Variants in DRC11 observed in about 807,000 individuals in gnomAD.
The protein encoded by DRC11 is dynein regulatory complex subunit 11.
At chr2:236,386,410 A>G in the DRC11 span, among the ~76,000 whole-genome samples, 1 of 152,078 alleles carries the variant, frequency 6.6e-6, no homozygotes, top group African/African-American at 2.4e-5. Flanking sequence ...TGTGTCCAGG[A>G]ATTTATCCAT....
At chr2:236,459,632 T>TATACGTATATACGTATATAAGTATATAC in the DRC11 span, among the ~76,000 whole-genome samples, 1 of 139,590 alleles carries the variant, frequency 7.2e-6, no homozygotes, top group African/African-American at 2.8e-5. Context: ...TACATACGTA[T>TATACGTATATACGTATATAAGTATATAC]ATACGTATAT....
the DRC11 span, among the ~76,000 whole-genome samples, chr2:236,424,325 T>C: frequency 1.3e-5 from 2 of 152,240 alleles, no homozygotes; most frequent in African/African-American, 4.8e-5. Context: ...AGTTAAGCCT[T>C]TTAAAGTCTT....
the DRC11 span, among the ~76,000 whole-genome samples, chr2:236,478,680 G>C: frequency 6.6e-6 from 1 of 151,888 alleles, no homozygotes; most frequent in Non-Finnish European, 1.5e-5. The surrounding 1 kb of genome is among the most constrained non-coding windows in gnomAD (Gnocchi z 5.9). Flanking sequence ...CTCCCTTTAG[G>C]TTGATTTAAT....
the DRC11 span, among the ~76,000 whole-genome samples, chr2:236,415,102 C>G: frequency 1.3e-5 from 2 of 152,026 alleles, no homozygotes. This position sits in a 1 kb window ranked among gnomAD's most constrained non-coding sequence, Gnocchi z 5.7. Context: ...CAGAAAATAA[C>G]CTATTTTCCA....
the DRC11 span, among the ~76,000 whole-genome samples, chr2:236,360,274 G>A: frequency 6.6e-6 from 1 of 152,128 alleles, no homozygotes; most frequent in Non-Finnish European, 1.5e-5. This position sits in a 1 kb window ranked among gnomAD's most constrained non-coding sequence, Gnocchi z 5.8. Context: ...ACTGCAACCA[G>A]GAAAATTACT....
At chr2:236,458,000 T>C in the DRC11 span, among the ~76,000 whole-genome samples, 1 of 152,258 alleles carries the variant, frequency 6.6e-6, no homozygotes, top group Non-Finnish European at 1.5e-5. The surrounding 1 kb of genome is among the most constrained non-coding windows in gnomAD (Gnocchi z 4.7). Context: ...TATAGAATTA[T>C]AGAATGAGTG....
chr2:236,445,309 T>C, the DRC11 span, among the ~76,000 whole-genome samples: 1 of 152,092 alleles, frequency 6.6e-6, no homozygotes, highest in Admixed American at 6.6e-5. The surrounding 1 kb of genome is among the most constrained non-coding windows in gnomAD (Gnocchi z 4.8). Context: ...ATGGTGCTTT[T>C]GGCAAAGATA....
At chr2:236,400,032 A>C in the DRC11 span, among the ~76,000 whole-genome samples, 3 of 152,012 alleles carry the variant, frequency 2.0e-5, no homozygotes, top group Admixed American at 2.0e-4. This position sits in a 1 kb window ranked among gnomAD's most constrained non-coding sequence, Gnocchi z 7.9. Context: ...CTGTCTTCTC[A>C]TGCTCTCACT....
At chr2:236,333,727 C>T in the DRC11 span, among the ~76,000 whole-genome samples, 1 of 152,190 alleles carries the variant, frequency 6.6e-6, no homozygotes, top group African/African-American at 2.4e-5. The surrounding 1 kb of genome is among the most constrained non-coding windows in gnomAD (Gnocchi z 6.0). Flanking sequence ...CTCTGTGAAG[C>T]CACAACAGTC....
At chr2:236,482,057 A>ATATGTATAATTCTACATATTC in the DRC11 span, among the ~76,000 whole-genome samples, 1 of 144,300 alleles carries the variant, frequency 6.9e-6, no homozygotes, top group Admixed American at 6.8e-5. This position sits in a 1 kb window ranked among gnomAD's most constrained non-coding sequence, Gnocchi z 4.5. Flanking sequence ...TCTACATATT[A>ATATGTATAATTCTACATATTC]TATGTATAAT....
the DRC11 span, among the ~76,000 whole-genome samples, chr2:236,485,069 A>T: frequency 0.25 from 38,573 of 152,054 alleles, 5,159 homozygotes; most frequent in African/African-American, 0.31. Flanking sequence ...TTGTTTTATT[A>T]AGGTTTCTTC....
chr2:236,358,010 A>AAT, the DRC11 span, among the ~76,000 whole-genome samples: 6 of 110,680 alleles, frequency 5.4e-5, no homozygotes, highest in African/African-American at 2.2e-4. Context: ...ATATATTTAT[A>AAT]ATATATAGAT....
At chr2:236,475,561 C>T in the DRC11 span, among the ~76,000 whole-genome samples, 1 of 152,180 alleles carries the variant, frequency 6.6e-6, no homozygotes, top group Non-Finnish European at 1.5e-5. The surrounding 1 kb of genome is among the most constrained non-coding windows in gnomAD (Gnocchi z 4.8). Context: ...TTTGCCATTA[C>T]TGTTAATGGT....
At chr2:236,419,219 T>C in the DRC11 span, 2 of 1,546,234 alleles carry the variant, frequency 1.3e-6, no homozygotes, top group East Asian at 4.9e-5. The surrounding 1 kb of genome is among the most constrained non-coding windows in gnomAD (Gnocchi z 4.8). Context: ...TTTCTTCTTC[T>C]TCTTTTTGTT....
At chr2:236,368,333 T>A in the DRC11 span, 1 of 1,313,610 alleles carries the variant, frequency 7.6e-7, no homozygotes. Context: ...GAACAATAAA[T>A]GGAAAACAGC....
the DRC11 span, among the ~76,000 whole-genome samples, chr2:236,326,699 G>A: frequency 6.6e-6 from 1 of 150,730 alleles, no homozygotes; most frequent in East Asian, 1.9e-4. Context: ...TTTATTTTTT[G>A]AACATCTTAA....
the DRC11 span, among the ~76,000 whole-genome samples, chr2:236,337,786 C>T: frequency 1.7e-3 from 262 of 151,182 alleles, 1 homozygote; most frequent in African/African-American, 5.4e-3. This position sits in a 1 kb window ranked among gnomAD's most constrained non-coding sequence, Gnocchi z 4.9. Context: ...TAAATCATTA[C>T]ACAAGTGGAC....
chr2:236,355,511 C>G, the DRC11 span, among the ~76,000 whole-genome samples: 1 of 152,182 alleles, frequency 6.6e-6, no homozygotes, highest in Non-Finnish European at 1.5e-5. Context: ...ACTCAAGACT[C>G]AGGGCACTGG....
chr2:236,372,027 T>C, the DRC11 span, among the ~76,000 whole-genome samples: 1 of 152,224 alleles, frequency 6.6e-6, no homozygotes, highest in African/African-American at 2.4e-5. The surrounding 1 kb of genome is among the most constrained non-coding windows in gnomAD (Gnocchi z 4.5). Flanking sequence ...GGTCTTTCGT[T>C]ATGTGGTTTT....
Sources: gnomAD v4.1 joint callset for allele counts (sites outside exome capture counted in the v4.1 genomes callset) on GRCh38, gnomAD v4.1.1 for gene constraint, Gnocchi (gnomAD v3.1) non-coding constraint, MANE v1.5 for transcripts, NCBI Gene and HGNC (gene_info 2026-07-23, HGNC 2026-07-21) for gene names.